SLC38A12: variants seen among roughly 807,000 people sequenced by gnomAD.
SLC38A12 encodes the protein solute carrier family 38 member 12.
chr17:74,790,181 C>G, the SLC38A12 span: 1 of 1,598,354 alleles, frequency 6.3e-7, no homozygotes, highest in Non-Finnish European at 8.6e-7. Flanking sequence ...TCCTCCTCGT[C>G]CATCCTACTG....
chr17:74,838,082 G>A, the SLC38A12 span: 6 of 985,922 alleles, frequency 6.1e-6, no homozygotes, highest in East Asian at 5.7e-4. Context: ...AGGGTCAGGG[G>A]TGGGATTTGC....
At chr17:74,778,854 G>A in the SLC38A12 span, among the ~76,000 whole-genome samples, 1 of 151,920 alleles carries the variant, frequency 6.6e-6, no homozygotes, top group Non-Finnish European at 1.5e-5. Flanking sequence ...ATTTAGTAGA[G>A]ACAGGGTTTC....
chr17:74,795,961 C>A, the SLC38A12 span, among the ~76,000 whole-genome samples: 3 of 152,138 alleles, frequency 2.0e-5, no homozygotes, highest in Non-Finnish European at 4.4e-5. Flanking sequence ...AAGAGTGACA[C>A]GTCTCATTTT....
At chr17:74,832,167 C>G in the SLC38A12 span, among the ~76,000 whole-genome samples, 1 of 152,028 alleles carries the variant, frequency 6.6e-6, no homozygotes. Context: ...AGGGCCCTGA[C>G]CTCCCCTCTG....
chr17:74,816,503 C>T, the SLC38A12 span, among the ~76,000 whole-genome samples: 1 of 152,178 alleles, frequency 6.6e-6, no homozygotes, highest in Non-Finnish European at 1.5e-5. Flanking sequence ...GCCTCCTTGT[C>T]TCCATCAAGA....
the SLC38A12 span, among the ~76,000 whole-genome samples, chr17:74,825,964 C>A: frequency 6.6e-6 from 1 of 152,216 alleles, no homozygotes; most frequent in Non-Finnish European, 1.5e-5. Context: ...ATCTTCCTCA[C>A]TCTCTCCTTC....
At chr17:74,818,085 T>C in the SLC38A12 span, among the ~76,000 whole-genome samples, 7 of 152,148 alleles carry the variant, frequency 4.6e-5, no homozygotes, top group African/African-American at 1.7e-4. Flanking sequence ...GTGGTAATTT[T>C]CCTAAATGAC....
At chr17:74,785,366 AC>A in the SLC38A12 span, 1 of 1,439,598 alleles carries the variant, frequency 6.9e-7, no homozygotes, top group Non-Finnish European at 9.5e-7. Flanking sequence ...TTCCCTGTCT[AC>A]AGTGTGGCCT....
At chr17:74,833,024 G>A in the SLC38A12 span, among the ~76,000 whole-genome samples, 1 of 152,106 alleles carries the variant, frequency 6.6e-6, no homozygotes, top group Non-Finnish European at 1.5e-5. Context: ...TGGCTTGTTT[G>A]TTTGTTTGTT....
chr17:74,836,226 C>T, the SLC38A12 span: 42 of 1,611,662 alleles, frequency 2.6e-5, no homozygotes, highest in Non-Finnish European at 3.1e-5. The surrounding 1 kb of genome is among the most constrained non-coding windows in gnomAD (Gnocchi z 4.2). Context: ...CAACTTCGCG[C>T]GCTGTGACGT....
chr17:74,809,144 G>A, the SLC38A12 span, among the ~76,000 whole-genome samples: 35 of 152,314 alleles, frequency 2.3e-4, no homozygotes, highest in Middle Eastern at 3.4e-3. Context: ...TGTCATTTAC[G>A]TAGGGGTACG....
the SLC38A12 span, chr17:74,836,747 C>T: frequency 5.3e-5 from 80 of 1,517,902 alleles, 1 homozygote; most frequent in South Asian, 1.7e-4. This position sits in a 1 kb window ranked among gnomAD's most constrained non-coding sequence, Gnocchi z 4.2. Context: ...ACCCCTCGCC[C>T]GCAGAGCCCA....
chr17:74,836,528 C>T, the SLC38A12 span: 3 of 1,613,102 alleles, frequency 1.9e-6, no homozygotes, highest in South Asian at 1.1e-5. This position sits in a 1 kb window ranked among gnomAD's most constrained non-coding sequence, Gnocchi z 4.2. Context: ...TGGTGTACCA[C>T]TGCCGCAGGG....
chr17:74,824,693 G>A, the SLC38A12 span, among the ~76,000 whole-genome samples: 2 of 152,308 alleles, frequency 1.3e-5, no homozygotes, highest in African/African-American at 4.8e-5. Flanking sequence ...CTCTGATTGT[G>A]TATGCGGAGC....
the SLC38A12 span, among the ~76,000 whole-genome samples, chr17:74,808,122 G>A: frequency 5.3e-3 from 806 of 152,326 alleles, 7 homozygotes; most frequent in African/African-American, 0.018. Context: ...CTTTTCAGCC[G>A]AGAAAGAGCC....
the SLC38A12 span, among the ~76,000 whole-genome samples, chr17:74,800,083 C>T: frequency 2.6e-5 from 4 of 152,352 alleles, no homozygotes; most frequent in South Asian, 6.2e-4. Context: ...AGCAGACAGA[C>T]AACAGCTCAG....
chr17:74,836,541 A>G, the SLC38A12 span: 1 of 1,612,960 alleles, frequency 6.2e-7, no homozygotes, highest in Admixed American at 1.7e-5. This position sits in a 1 kb window ranked among gnomAD's most constrained non-coding sequence, Gnocchi z 4.2. Flanking sequence ...CCGCAGGGAC[A>G]CCCAGCTGGC....
chr17:74,801,875 C>T, the SLC38A12 span, among the ~76,000 whole-genome samples: 1 of 152,068 alleles, frequency 6.6e-6, no homozygotes, highest in African/African-American at 2.4e-5. Flanking sequence ...GCTTTCCATC[C>T]CCCTACCCCA....
the SLC38A12 span, chr17:74,836,146 T>C: frequency 6.2e-7 from 1 of 1,613,858 alleles, no homozygotes; most frequent in South Asian, 1.1e-5. The surrounding 1 kb of genome is among the most constrained non-coding windows in gnomAD (Gnocchi z 4.2). Flanking sequence ...ATCCTGGCCT[T>C]CTACGGCCTC....
Sources: allele counts gnomAD v4.1 joint callset (sites outside exome capture counted in the v4.1 genomes callset), GRCh38; gene constraint gnomAD v4.1.1; non-coding constraint Gnocchi (gnomAD v3.1); transcripts MANE v1.5; gene names NCBI Gene and HGNC (gene_info 2026-07-23, HGNC 2026-07-21).